Variants in AK9 observed in about 807,000 individuals in gnomAD.
The protein encoded by AK9 is adenylate kinase domain containing 1.
In AK9, 191 loss-of-function variants were observed where a neutral mutation model predicts 239.6. That is an observed-to-expected ratio of 0.80 (90% CI 0.71 to 0.90). The LOEUF is 0.90. Among genes scored for constraint, AK9 ranks in the 40% least tolerant of loss-of-function variants. The probability of loss-of-function intolerance (pLI) is 0.00; values close to 1 mark genes in which losing one functional copy is unlikely to be tolerated. For missense variants in AK9, 1,995 were observed against 2,214.7 expected (o/e 0.90, Z 1.99); for synonymous variants, 689 against 721.0 (o/e 0.96, Z 0.71).
At chr6:109,576,420 C>CTTTTTTTTTTTTTTTTTT (rs3060763) in intron 20 of AK9, among the ~76,000 whole-genome samples, 2 of 103,508 alleles carry the variant, frequency 1.9e-5, no homozygotes, top group Admixed American at 1.1e-4. Flanking sequence ...CATATATATA[C>CTTTTTTTTTTTTTTTTTT]TTTTTTTTTT....
chr6:109,638,366 T>A (rs1014444729), intron 10 of AK9, among the ~76,000 whole-genome samples: 12 of 152,262 alleles, frequency 7.9e-5, no homozygotes, highest in African/African-American at 2.7e-4. Context: ...ATCCCAGTTA[T>A]GTTGACCCAC....
intron 17 of AK9, among the ~76,000 whole-genome samples, chr6:109,597,488 TG>T (rs1169004173): frequency 6.6e-6 from 1 of 151,996 alleles, no homozygotes; most frequent in African/African-American, 2.4e-5. Context: ...CTGGCTAACA[TG>T]GTGAAACCCC....
At chr6:109,581,244 A>T (rs1788823610) in intron 19 of AK9, among the ~76,000 whole-genome samples, 1 of 152,112 alleles carries the variant, frequency 6.6e-6, no homozygotes, top group Non-Finnish European at 1.5e-5. Flanking sequence ...TTTTTAAGTG[A>T]AAAAAAGAGC....
chr6:109,645,173 A>C (rs977154964), intron 8 of AK9, among the ~76,000 whole-genome samples: 1 of 152,102 alleles, frequency 6.6e-6, no homozygotes, highest in Non-Finnish European at 1.5e-5. Context: ...TGCATTTCCA[A>C]CTGAGGTACT....
At chr6:109,502,157 G>A (rs2128101024) in intron 35 of AK9, among the ~76,000 whole-genome samples, 1 of 152,260 alleles carries the variant, frequency 6.6e-6, no homozygotes, top group African/African-American at 2.4e-5. Context: ...GTGTGGGCTG[G>A]ACTGAGTAAC....
intron 32 of AK9, among the ~76,000 whole-genome samples, chr6:109,511,822 C>T (rs1045473058): frequency 6.6e-5 from 10 of 152,110 alleles, no homozygotes; most frequent in Admixed American, 6.6e-4. Flanking sequence ...TAAAATTTGA[C>T]ACCTTATTTA....
intron 17 of AK9, among the ~76,000 whole-genome samples, chr6:109,606,575 TG>T (rs2128235594): frequency 6.6e-6 from 1 of 152,192 alleles, no homozygotes; most frequent in South Asian, 2.1e-4. Flanking sequence ...AAACACAGAG[TG>T]GCAGGTTTGA....
intron 35 of AK9, among the ~76,000 whole-genome samples, chr6:109,500,250 G>A (rs2115420440): frequency 6.6e-6 from 1 of 152,184 alleles, no homozygotes; most frequent in Admixed American, 6.5e-5. Flanking sequence ...AAAGTGATTG[G>A]CTTTATTCTA....
At chr6:109,592,758 A>G (rs1191622854) in intron 17 of AK9, among the ~76,000 whole-genome samples, 1 of 142,822 alleles carries the variant, frequency 7.0e-6, no homozygotes, top group Admixed American at 7.3e-5. Flanking sequence ...ATTTTTTTTT[A>G]TAAGTGATTA....
At chr6:109,673,242 C>T (rs1003263872) in intron 3 of AK9, among the ~76,000 whole-genome samples, 1 of 151,880 alleles carries the variant, frequency 6.6e-6, no homozygotes, top group Non-Finnish European at 1.5e-5. Flanking sequence ...TTATGTATTA[C>T]AAATTGTTCT....
In AK9 at chr6:109,670,823, T is replaced by C. The variant is rs114561097; in HGVS notation, c.331+1096A>G. Among the ~76,000 whole-genome samples, 593 of 152,298 alleles carry C rather than the reference T, an allele frequency of 3.9e-3. 2 individuals carry two copies. The highest frequency in any genetic ancestry group is 0.012 in the African/African-American group (511 of 41,576). ...GCCTTTTTACTTATCCAGCCTTCCA[T>C]ATTCTGGATATTTTGCCGTTCAGTC... is the stretch of plus-strand genomic sequence containing the variant. On this transcript the variant is annotated intron_variant, in intron 5 of 40. Coordinates refer to ENST00000424296, the MANE Select transcript of AK9 (RefSeq NM_001145128.3).
intron 17 of AK9, among the ~76,000 whole-genome samples, chr6:109,603,213 T>C (rs182493181): frequency 6.6e-6 from 1 of 152,276 alleles, no homozygotes; most frequent in Admixed American, 6.5e-5. Context: ...TTATCTACCT[T>C]TGGTCTTTGA....
At chr6:109,566,447 A>T (rs1346338358) in intron 21 of AK9, among the ~76,000 whole-genome samples, 1 of 152,210 alleles carries the variant, frequency 6.6e-6, no homozygotes, top group Admixed American at 6.5e-5. Context: ...TATAAAGCAG[A>T]GTAAATTTTA....
At chr6:109,566,089 G>T (rs1431844582) in intron 21 of AK9, among the ~76,000 whole-genome samples, 1 of 152,024 alleles carries the variant, frequency 6.6e-6, no homozygotes, top group African/African-American at 2.4e-5. Flanking sequence ...TGGGGGTGAA[G>T]ATCTAGCCTC....
At chr6:109,616,336 AT>A (rs1794189451) in intron 13 of AK9, among the ~76,000 whole-genome samples, 1 of 152,160 alleles carries the variant, frequency 6.6e-6, no homozygotes, top group Non-Finnish European at 1.5e-5. Flanking sequence ...AGGTCAAAGG[AT>A]TAAAAACTTA....
chr6:109,570,973 T>C (rs1570012), intron 21 of AK9, among the ~76,000 whole-genome samples: 88,240 of 151,958 alleles, frequency 0.58, 27,355 homozygotes, highest in East Asian at 0.84. Flanking sequence ...GACTTTTCCA[T>C]GTGTAGAAGA....
At chr6:109,502,203 G>A (rs1478032956) in intron 35 of AK9, among the ~76,000 whole-genome samples, 1 of 152,100 alleles carries the variant, frequency 6.6e-6, no homozygotes, top group East Asian at 1.9e-4. Flanking sequence ...AAAAGTGAGG[G>A]GATGTCACTT....
chr6:109,501,078 C>A lies in AK9; in HGVS notation c.4850-1838G>T, dbSNP rs79674254. On this transcript the variant is annotated intron_variant, in intron 35 of 40. Transcript: ENST00000424296. Reference sequence around the variant, plus strand: ...AGTGTCTGGAGAAGCACCCTGTAATCGATAAGATGAAATTTCTGCAACCAA... The same window carrying A: ...AGTGTCTGGAGAAGCACCCTGTAATAGATAAGATGAAATTTCTGCAACCAA... Among the ~76,000 whole-genome samples the A allele has an allele frequency of 4.4e-3, 663 of 152,238 alleles. 4 individuals carry two copies. The highest frequency in any genetic ancestry group is 8.5e-3 in the Non-Finnish European group (579 of 68,006).
rs3060763 is a variant in AK9 at position 109,576,420 on chromosome 6, C to CTTTTTTTTTTTTTTTTT, written c.2192-2843_2192-2827dup. ...GGTTAGGTGTATATACATATATATA[C>CTTTTTTTTTTTTTTTTT]TTTTTTTTTTTTTTTTTGCAGCTGT... On this transcript the variant is annotated intron_variant, in intron 20 of 40. Transcript: ENST00000424296. 1.1e-4 allele frequency among the ~76,000 whole-genome samples: 11 copies of CTTTTTTTTTTTTTTTTT among 103,498 alleles called. 3 individuals carry two copies. The highest frequency in any genetic ancestry group is 1.3e-4 in the African/African-American group (4 of 30,100). The allele number at this position is 103,498 out of a possible 152,430, so 67.9% of individuals were successfully genotyped here.
Sources: gnomAD v4.1 joint callset for allele counts (sites outside exome capture counted in the v4.1 genomes callset) on GRCh38, gnomAD v4.1.1 for gene constraint, MANE v1.5 for transcripts, NCBI Gene and HGNC (gene_info 2026-07-23, HGNC 2026-07-21) for gene names.